ATXN8OS: variants seen among roughly 807,000 people sequenced by gnomAD.
ATXN8OS encodes the protein ATXN8 opposite strand lncRNA.
At chr13:70,107,785 C>T in exon 1 of ATXN8OS, 1 of 1,065,938 alleles carries the variant, frequency 9.4e-7, no homozygotes, top group Non-Finnish European at 1.3e-6. Flanking sequence ...GGCCCGGGGG[C>T]GGAGGAAGAG....
At chr13:70,141,301 T>C (rs149971792) in intron 3 of ATXN8OS, among the ~76,000 whole-genome samples, 3 of 152,264 alleles carry the variant, frequency 2.0e-5, no homozygotes, top group Middle Eastern at 3.4e-3. Context: ...GTGTCTGTAG[T>C]TTGAATAACA....
chr13:70,127,051 CTG>C (rs767526385), intron 2 of ATXN8OS, among the ~76,000 whole-genome samples: 1 of 151,866 alleles, frequency 6.6e-6, no homozygotes, highest in Non-Finnish European at 1.5e-5. Flanking sequence ...CTCTATCTCT[CTG>C]TCTCTTTCTC....
intron 4 of ATXN8OS, among the ~76,000 whole-genome samples, chr13:70,165,419 A>G (rs974191162): frequency 2.0e-5 from 3 of 151,934 alleles, no homozygotes; most frequent in Admixed American, 2.0e-4. Flanking sequence ...AGAAAAGAAT[A>G]AATAAAAATA....
intron 4 of ATXN8OS, among the ~76,000 whole-genome samples, chr13:70,160,465 T>C (rs1888994082): frequency 6.6e-6 from 1 of 151,824 alleles, no homozygotes; most frequent in Admixed American, 6.6e-5. Context: ...TGAAGTTAGT[T>C]CGGCATGAAG....
chr13:70,122,987 A>G (rs1888383314), intron 2 of ATXN8OS, among the ~76,000 whole-genome samples: 1 of 152,048 alleles, frequency 6.6e-6, no homozygotes, highest in Non-Finnish European at 1.5e-5. Flanking sequence ...TGAAATTATA[A>G]TACTTCACAA....
Position 70,146,655 on chromosome 13 carries a change from A to G in ATXN8OS, n.500-700A>G, listed in dbSNP as rs1888790191. On this transcript the variant is annotated intron_variant and non_coding_transcript_variant, in intron 3 of 4. Coordinates refer to ENST00000678624, the Ensembl canonical transcript of ATXN8OS. ...TGGAAACCATCATTCTCAGCAAACT[A>G]TCACAAGGACAAAAAACCAAACACT... Among the ~76,000 whole-genome samples the G allele has an allele frequency of 3.3e-5, 5 of 151,976 alleles. No individual in the cohort carries two copies. In the South Asian group the frequency reaches 1.0e-3, roughly 32 times the overall value.
At chr13:70,115,715 G>A (rs944821572) in intron 2 of ATXN8OS, among the ~76,000 whole-genome samples, 2 of 152,048 alleles carry the variant, frequency 1.3e-5, no homozygotes, top group African/African-American at 4.8e-5. Flanking sequence ...ATGAGAAATG[G>A]ATAAGAGTAA....
intron 4 of ATXN8OS, among the ~76,000 whole-genome samples, chr13:70,168,469 A>G (rs1454934802): frequency 6.6e-6 from 1 of 151,970 alleles, no homozygotes; most frequent in Non-Finnish European, 1.5e-5. Context: ...TATTCCTTCT[A>G]TCTTTCTGTA....
intron 4 of ATXN8OS, among the ~76,000 whole-genome samples, chr13:70,151,498 A>G (rs1162080774): frequency 1.3e-5 from 2 of 152,120 alleles, no homozygotes; most frequent in Non-Finnish European, 2.9e-5. Context: ...GAATGTATAG[A>G]GAAGAAGGAA....
intron 1 of ATXN8OS, among the ~76,000 whole-genome samples, chr13:70,112,116 G>A (rs770158292): frequency 5.9e-5 from 9 of 152,108 alleles, no homozygotes; most frequent in Admixed American, 1.3e-4. Flanking sequence ...GCTGGAGCAG[G>A]AAGAAGAGAG....
At chr13:70,115,188 AAG>A in exon 2 of ATXN8OS, 1 of 398,474 alleles carries the variant, frequency 2.5e-6, no homozygotes, top group Non-Finnish European at 4.4e-6. Flanking sequence ...ATTTGGTCTA[AAG>A]AGAATCTTCT....
intron 3 of ATXN8OS, chr13:70,139,380 A>ACTACTACTACTACTACTGCTACTACTG: frequency 1.7e-6 from 1 of 574,178 alleles, no homozygotes; most frequent in Non-Finnish European, 3.0e-6. Flanking sequence ...TACTACTACT[A>ACTACTACTACTACTACTGCTACTACTG]CTACTGCTGC....
chr13:70,109,209 C>T (rs1037706930), intron 1 of ATXN8OS, among the ~76,000 whole-genome samples: 1 of 152,154 alleles, frequency 6.6e-6, no homozygotes, highest in Non-Finnish European at 1.5e-5. Flanking sequence ...TGTGTTTTCC[C>T]CTTATATCTA....
At chr13:70,128,302 C>G (rs757683592) in intron 2 of ATXN8OS, among the ~76,000 whole-genome samples, 2 of 152,058 alleles carry the variant, frequency 1.3e-5, no homozygotes, top group African/African-American at 4.8e-5. Context: ...TACCAAGATT[C>G]TTTTTAACAC....
At chr13:70,159,724 AAC>A (rs1271208653) in intron 4 of ATXN8OS, among the ~76,000 whole-genome samples, 1 of 152,196 alleles carries the variant, frequency 6.6e-6, no homozygotes, top group Admixed American at 6.5e-5. Context: ...AATTCTTGGC[AAC>A]AACTAACCTG....
chr13:70,109,382 T>C (rs1187840121), intron 1 of ATXN8OS, among the ~76,000 whole-genome samples: 1 of 152,210 alleles, frequency 6.6e-6, no homozygotes, highest in Non-Finnish European at 1.5e-5. Context: ...AATATGGTTG[T>C]TGTCCATTCA....
intron 3 of ATXN8OS, among the ~76,000 whole-genome samples, chr13:70,141,766 G>C (rs167308): frequency 0.37 from 55,568 of 151,504 alleles, 10,433 homozygotes; most frequent in Middle Eastern, 0.53. Context: ...TATTTATAAG[G>C]AATACTGGTT....
chr13:70,115,948 T>C (rs1190000652), intron 2 of ATXN8OS, among the ~76,000 whole-genome samples: 1 of 152,090 alleles, frequency 6.6e-6, no homozygotes, highest in Non-Finnish European at 1.5e-5. Flanking sequence ...AAACAGGAAA[T>C]GCAATGTGCA....
chr13:70,141,565 G>A (rs974638037), intron 3 of ATXN8OS, among the ~76,000 whole-genome samples: 1 of 151,972 alleles, frequency 6.6e-6, no homozygotes, highest in African/African-American at 2.4e-5. Flanking sequence ...TAACCAATCT[G>A]TAAGAAATTT....
Sources: gnomAD v4.1 joint callset for allele counts (sites outside exome capture counted in the v4.1 genomes callset) on GRCh38, gnomAD v4.1.1 for gene constraint, MANE v1.5 for transcripts, NCBI Gene and HGNC (gene_info 2026-07-23, HGNC 2026-07-21) for gene names.